The following FHOD3 variants were observed in gnomAD, a reference collection of about 807,000 sequenced individuals.
The protein encoded by FHOD3 is formin homology 2 domain containing 3, also known as FH1/FH2 domain-containing protein 3.
Under a neutral mutation model 173.0 loss-of-function variants are expected in FHOD3, and 90 were observed. That is an observed-to-expected ratio of 0.52 (90% CI 0.44 to 0.62). The LOEUF (loss-of-function observed/expected upper bound fraction) is 0.62, where lower values mean the gene tolerates loss of function less well. FHOD3 is among the 20% of genes least tolerant of loss of function. The probability of loss-of-function intolerance (pLI) is 0.00; values close to 1 mark genes in which losing one functional copy is unlikely to be tolerated. For missense variants in FHOD3, 1,945 were observed against 2,034.7 expected (o/e 0.96, Z 0.85); for synonymous variants, 828 against 823.0 (o/e 1.01, Z -0.10).
chr18:36,727,885 C>G (rs1219079852), intron 19 of FHOD3, among the ~76,000 whole-genome samples: 1 of 152,164 alleles, frequency 6.6e-6, no homozygotes, highest in East Asian at 1.9e-4. Flanking sequence ...ATAAAGACTC[C>G]AGTTGAGCTG....
intron 3 of FHOD3, among the ~76,000 whole-genome samples, chr18:36,432,354 G>A (rs2050594427): frequency 6.6e-6 from 1 of 152,172 alleles, no homozygotes; most frequent in South Asian, 2.1e-4. Flanking sequence ...TTGCTGTTAA[G>A]AAATTCGTGA....
chr18:36,759,878 G>A (rs931717732), intron 26 of FHOD3, among the ~76,000 whole-genome samples: 3 of 152,160 alleles, frequency 2.0e-5, no homozygotes, highest in Admixed American at 6.5e-5. Flanking sequence ...CCAGGTGTTC[G>A]GCATTGTGTA....
rs746145023 is a variant in FHOD3 at position 36,709,103 on chromosome 18, G to A, written c.2245G>A (p.Gly749Arg). 10 of 1,611,806 alleles carry A rather than the reference G, an allele frequency of 6.2e-6. No individual in the cohort carries two copies. Among genetic ancestry groups the A allele is most frequent in the African/African-American group, 4.0e-5 (3 of 74,840 alleles). ...GTPHHPQASA[G>R]DPEPESEAEP... Reference sequence around the variant, plus strand: ...ATTGTTGTCTCCACCAGCAAGTGCCGGGGATCCTGAACCCGAATCAGAGGC... The same window carrying A: ...ATTGTTGTCTCCACCAGCAAGTGCCAGGGATCCTGAACCCGAATCAGAGGC... Residue 749 changes from glycine to arginine, a missense_variant, in exon 18 of 29, where the codon GGG (glycine) becomes AGG (arginine). Coordinates refer to ENST00000590592, the MANE Select transcript of FHOD3 (RefSeq NM_001281740.3).
intron 1 of FHOD3, among the ~76,000 whole-genome samples, chr18:36,322,998 G>T (rs953148887): frequency 3.9e-5 from 6 of 152,148 alleles, no homozygotes; most frequent in Non-Finnish European, 7.3e-5. Context: ...CAGCATAACA[G>T]CTCAAAAATG....
At chr18:36,496,905 G>A (rs1350579939) in intron 3 of FHOD3, among the ~76,000 whole-genome samples, 1 of 152,182 alleles carries the variant, frequency 6.6e-6, no homozygotes, top group Admixed American at 6.5e-5. Flanking sequence ...TCAAGACCTT[G>A]TCTGGTGCTT....
intron 16 of FHOD3, among the ~76,000 whole-genome samples, chr18:36,687,808 T>G (rs981076383): frequency 2.0e-5 from 3 of 152,228 alleles, no homozygotes; most frequent in Admixed American, 1.3e-4. Flanking sequence ...TTATTTCTTT[T>G]TTTCATTTTA....
At chr18:36,670,155 C>T (rs1015865141) in intron 14 of FHOD3, among the ~76,000 whole-genome samples, 2 of 151,796 alleles carry the variant, frequency 1.3e-5, no homozygotes, top group Non-Finnish European at 2.9e-5. Context: ...CCTTTGGCTG[C>T]TTTTAAGGTT....
At chr18:36,657,454 A>T (rs905217058) in intron 13 of FHOD3, among the ~76,000 whole-genome samples, 2 of 152,248 alleles carry the variant, frequency 1.3e-5, no homozygotes, top group Non-Finnish European at 2.9e-5. Flanking sequence ...AAAATCATCA[A>T]ATCTCATGTA....
intron 27 of FHOD3, among the ~76,000 whole-genome samples, chr18:36,762,890 TATA>T (rs1423607342): frequency 1.1e-4 from 17 of 147,860 alleles, no homozygotes; most frequent in East Asian, 5.8e-4. Flanking sequence ...TTAAATTTTA[TATA>T]ATATGTGTAT....
chr18:36,531,445 A>G (rs767524809), intron 5 of FHOD3, among the ~76,000 whole-genome samples: 1 of 151,972 alleles, frequency 6.6e-6, no homozygotes, highest in Non-Finnish European at 1.5e-5. Flanking sequence ...CCTGTCCAAA[A>G]CACTCTAGTG....
rs766161027 is a variant in FHOD3 at position 36,602,781 on chromosome 18, T to A, written c.813+13T>A. 7.5e-6 allele frequency: 12 copies of A among 1,595,900 alleles called. No homozygotes were observed. The highest frequency in any genetic ancestry group is 1.0e-5 in the Non-Finnish European group (12 of 1,163,458). On this transcript the variant is annotated intron_variant, in intron 8 of 28. Coordinates refer to ENST00000590592, the MANE Select transcript of FHOD3 (RefSeq NM_001281740.3). Reference sequence around the variant, plus strand: ...TTTGGTGAACAAGGTTGGTTGACTATGTTATGGGTTGAATTGCGTCACCTA... The same window carrying A: ...TTTGGTGAACAAGGTTGGTTGACTAAGTTATGGGTTGAATTGCGTCACCTA...
chr18:36,600,252 A>AACACAC (rs67473480), intron 7 of FHOD3, among the ~76,000 whole-genome samples: 55,322 of 142,874 alleles, frequency 0.39, 12,061 homozygotes, highest in Non-Finnish European at 0.49. Context: ...TCTCCTCTGC[A>AACACAC]ACACACACAC....
At chr18:36,667,998 C>T (rs2037294548) in intron 14 of FHOD3, among the ~76,000 whole-genome samples, 1 of 152,112 alleles carries the variant, frequency 6.6e-6, no homozygotes, top group Admixed American at 6.5e-5. Flanking sequence ...TGCCTGTCTT[C>T]CACAATGGCT....
intron 3 of FHOD3, among the ~76,000 whole-genome samples, chr18:36,497,220 A>G (rs926609056): frequency 3.3e-5 from 5 of 152,236 alleles, no homozygotes; most frequent in African/African-American, 1.2e-4. Context: ...GTACTTCTCA[A>G]TTAGAAATTG....
Position 36,693,408 on chromosome 18 carries a change from C to T in FHOD3, c.2221C>T (p.Pro741Ser). 1 of 1,613,652 alleles carries T rather than the reference C, an allele frequency of 6.2e-7. No homozygotes were observed. Among genetic ancestry groups the T allele is most frequent in the East Asian group, 2.2e-5 (1 of 44,844 alleles). The change falls in exon 17 of 29, where the codon CCT (proline) becomes TCT (serine). Residue 741 changes from proline to serine, a missense_variant. By Grantham distance (74) the Pro-to-Ser change is moderately conservative. This residue lies in a region of FHOD3 where 1,099 missense variants were observed against 1,051.2 expected (regional missense o/e 1.05). Coordinates refer to ENST00000590592, the MANE Select transcript of FHOD3 (RefSeq NM_001281740.3). The stretch of plus-strand genomic sequence containing the variant: ...GGTGTCTGCCTCCTCCCCAGGAACC[C>T]CTCACCATCCCCAAGGTGAGTACAG... Reference protein sequence around the residue: ...LTVSASSPGTPHHPQASAGDP... With the variant: ...LTVSASSPGTSHHPQASAGDP...
Position 36,718,511 on chromosome 18 carries a change from G to C in FHOD3, c.3213G>C (p.Gln1071His), listed in dbSNP as rs776430392. ...CTCCTCAGGGCTTAGGGTGGTCCCA[G>C]GTACCCAGGGGTCAGCCCACATTCA... ...FNAPQGLGWS[Q>H]VPRGQPTFTK... The change falls in exon 19 of 29, where the codon CAG becomes CAC. Residue 1071 changes from glutamine to histidine, a missense_variant. Physicochemically the swap from Gln to His is conservative, Grantham distance 24. Around this residue, in one of 5 missense-constraint regions of FHOD3, gnomAD observed 1,099 missense variants for 1,051.2 expected, o/e 1.05. Coordinates refer to ENST00000590592, the MANE Select transcript of FHOD3 (RefSeq NM_001281740.3). 6 of 1,613,960 alleles carry C rather than the reference G, an allele frequency of 3.7e-6. No homozygotes were observed. Among genetic ancestry groups the C allele is most frequent in the Non-Finnish European group, 4.2e-6 (5 of 1,180,004 alleles).
At chr18:36,606,929 A>G (rs1210399194) in intron 8 of FHOD3, among the ~76,000 whole-genome samples, 1 of 152,246 alleles carries the variant, frequency 6.6e-6, no homozygotes, top group Non-Finnish European at 1.5e-5. Context: ...TCCTGGGCAC[A>G]CTGGGGTTGG....
chr18:36,541,269 A>AAAAG (rs1395081128), intron 5 of FHOD3, among the ~76,000 whole-genome samples: 6 of 146,740 alleles, frequency 4.1e-5, no homozygotes, highest in Non-Finnish European at 9.0e-5. Context: ...AAAAAAAAAA[A>AAAAG]AAAGAAAGAA....
intron 6 of FHOD3, among the ~76,000 whole-genome samples, chr18:36,591,568 G>A (rs184595539): frequency 6.6e-6 from 1 of 152,306 alleles, no homozygotes; most frequent in Admixed American, 6.5e-5. Flanking sequence ...AGAGGCAACA[G>A]AGGCATATAG....
Sources: allele counts gnomAD v4.1 joint callset (sites outside exome capture counted in the v4.1 genomes callset), GRCh38; gene constraint gnomAD v4.1.1; regional missense constraint gnomAD v4.1.1; transcripts MANE v1.5; gene names NCBI Gene and HGNC (gene_info 2026-07-23, HGNC 2026-07-21).